Variants in CEP70 observed in about 807,000 individuals in gnomAD.
CEP70 encodes the protein centrosomal protein of 70 kDa.
A neutral mutation model predicts 90.9 loss-of-function variants in CEP70; 70 were observed. The observed-to-expected ratio is 0.77, with a 90% CI of 0.64 to 0.94. CEP70 has a LOEUF of 0.94. Ranked by LOEUF, CEP70 falls within the 40% of genes least tolerant of loss-of-function variation. The pLI, the probability that CEP70 is intolerant of heterozygous loss-of-function variation, is 0.00. For synonymous variants in CEP70, 220 were observed against 228.3 expected, an observed-to-expected ratio of 0.96 and a Z score of 0.33; for missense variants, 648 against 669.0, an observed-to-expected ratio of 0.97 and a Z score of 0.35.
rs1415997129 is a variant in CEP70 at position 138,529,241 on chromosome 3, A to G, written c.827T>C (p.Leu276Pro). 6.2e-7 allele frequency: 1 copy of G among 1,609,996 alleles called. No homozygotes were observed. ...LKESKSKIDA[L>P]SSEKLNLQKD... ...TTGGAGGTTCAGCTTTTCACTTGAA[A>G]GTGCATCAATCTTAGATTTTGATTC... is the stretch of plus-strand genomic sequence containing the variant. Residue 276 changes from leucine to proline, a missense_variant, in exon 10 of 18, where the codon CTT becomes CCT. Leu to Pro is a moderately conservative substitution (Grantham distance 98). Transcript: ENST00000264982.
In CEP70 at chr3:138,500,554, G is replaced by A. The variant is rs1214693592; in HGVS notation, c.1382C>T (p.Pro461Leu). The change falls in exon 15 of 18, where the codon CCA becomes CTA. Residue 461 changes from proline to leucine, a missense_variant. Coordinates refer to ENST00000264982, the MANE Select transcript of CEP70 (RefSeq NM_024491.4). ...AATAGCTTGCAAAGTTTGAAAGTGT[G>A]GCATATTGCTGTCCTGTCCAAAAAA... Reference protein sequence around the residue: ...VENKEKDSNMPHFQTLQAIVS... With the variant: ...VENKEKDSNMLHFQTLQAIVS... The A allele has an allele frequency of 3.7e-6, 6 of 1,605,034 alleles. No individual in the cohort carries two copies. The highest frequency in any genetic ancestry group is 4.2e-6 in the Non-Finnish European group (5 of 1,177,674).
intron 2 of CEP70, among the ~76,000 whole-genome samples, chr3:138,589,325 G>C (rs1024566310): frequency 1.3e-5 from 2 of 152,006 alleles, no homozygotes; most frequent in Non-Finnish European, 2.9e-5. Flanking sequence ...CCAACACAGT[G>C]ATATATTCTA....
intron 11 of CEP70, among the ~76,000 whole-genome samples, chr3:138,514,642 A>T (rs1286591307): frequency 6.6e-6 from 1 of 152,010 alleles, no homozygotes; most frequent in Non-Finnish European, 1.5e-5. Flanking sequence ...TTAATTTTAA[A>T]TTTTTTAAGT....
chr3:138,539,562 T>C (rs1265647602), intron 6 of CEP70, among the ~76,000 whole-genome samples: 4 of 152,082 alleles, frequency 2.6e-5, no homozygotes, highest in Non-Finnish European at 5.9e-5. Flanking sequence ...AGGCTTTTAA[T>C]AGCAGACTGG....
chr3:138,499,783 T>TACACACACACACACAC lies in CEP70; in HGVS notation c.1652+311_1652+326dup, dbSNP rs56826450. The TACACACACACACACAC allele has an allele frequency of 3.1e-3, 592 of 193,182 alleles. 4 individuals carry two copies. Among genetic ancestry groups the TACACACACACACACAC allele is most frequent in the African/African-American group, 0.013 (559 of 41,478 alleles). The allele number at this position is 193,182 out of a possible 1,614,324, so 12.0% of individuals were successfully genotyped here. Reference sequence around the variant, plus strand: ...GCAACCTTGTCTCTATCTCTCTCTCTACACACACACACACACACACACAAA... The same window carrying TACACACACACACACAC: ...GCAACCTTGTCTCTATCTCTCTCTCTACACACACACACACACACACACACACACACACACACACAAA... On this transcript the variant is annotated intron_variant, in intron 16 of 17. Coordinates refer to ENST00000264982, the MANE Select transcript of CEP70 (RefSeq NM_024491.4).
intron 11 of CEP70, among the ~76,000 whole-genome samples, chr3:138,511,643 A>C (rs1011395567): frequency 6.6e-6 from 1 of 152,232 alleles, no homozygotes; most frequent in Admixed American, 6.5e-5. Context: ...GATTTCATTA[A>C]CCAGATGAAT....
chr3:138,545,967 TTTTGCCCTTTGCCTTGTGATCTTTGC>T (rs773079642), intron 6 of CEP70, among the ~76,000 whole-genome samples: 9 of 152,158 alleles, frequency 5.9e-5, no homozygotes, highest in African/African-American at 1.2e-4. Context: ...GTAATACTAA[TTTTGCCCTTTGCCTTGTGATCTTTGC>T]TTTGCCCTTT....
intron 11 of CEP70, among the ~76,000 whole-genome samples, chr3:138,521,525 T>C (rs1226869320): frequency 6.7e-6 from 1 of 150,364 alleles, no homozygotes; most frequent in Non-Finnish European, 1.5e-5. Flanking sequence ...GGGGAGCACC[T>C]ATGCCCGGCC....
chr3:138,578,466 C>A (rs901928953), intron 2 of CEP70, among the ~76,000 whole-genome samples: 1 of 152,086 alleles, frequency 6.6e-6, no homozygotes, highest in Non-Finnish European at 1.5e-5. Flanking sequence ...AGAAGAAAAA[C>A]AGAAGATGCT....
At chr3:138,510,951 C>T (rs539233104) in intron 11 of CEP70, among the ~76,000 whole-genome samples, 9 of 151,544 alleles carry the variant, frequency 5.9e-5, no homozygotes, top group Non-Finnish European at 1.2e-4. Flanking sequence ...ACCTCTGCCT[C>T]CCGGGTTCAA....
At chr3:138,524,360 C>T (rs985968210) in intron 11 of CEP70, among the ~76,000 whole-genome samples, 1 of 151,962 alleles carries the variant, frequency 6.6e-6, no homozygotes, top group African/African-American at 2.4e-5. Flanking sequence ...GCAACAAAAG[C>T]TAAAATTGAC....
chr3:138,512,804 A>G (rs1358718365), intron 11 of CEP70, among the ~76,000 whole-genome samples: 1 of 152,230 alleles, frequency 6.6e-6, no homozygotes, highest in African/African-American at 2.4e-5. Flanking sequence ...ACAGTGGAAT[A>G]AGATCCATGC....
intron 13 of CEP70, among the ~76,000 whole-genome samples, chr3:138,503,135 C>A (rs2034665645): frequency 6.6e-6 from 1 of 152,172 alleles, no homozygotes; most frequent in African/African-American, 2.4e-5. Flanking sequence ...CTCCATAATT[C>A]TTTTCATCTT....
intron 17 of CEP70, chr3:138,497,527 A>G: frequency 1.0e-6 from 1 of 968,772 alleles, no homozygotes; most frequent in Non-Finnish European, 1.2e-6. Context: ...AGGAGACACT[A>G]CTACTAATGA....
At chr3:138,557,365 A>G (rs1311857492) in intron 6 of CEP70, among the ~76,000 whole-genome samples, 2 of 152,196 alleles carry the variant, frequency 1.3e-5, no homozygotes, top group Non-Finnish European at 2.9e-5. Context: ...GAGGCGACAT[A>G]CATCCTCCTC....
chr3:138,526,836 C>T lies in CEP70; in HGVS notation c.870-1272G>A, dbSNP rs193263813. ...AAGAGTAAATTTCAAATGTTTTCAA[C>T]CACAAAAGGTATTAGATGATGGATA... is the stretch of plus-strand genomic sequence containing the variant. On this transcript the variant is annotated intron_variant, in intron 10 of 17. Coordinates refer to ENST00000264982, the MANE Select transcript of CEP70 (RefSeq NM_024491.4). Among the ~76,000 whole-genome samples, 255 of 152,194 alleles carry T rather than the reference C, an allele frequency of 1.7e-3. 1 individual carries two copies. The highest frequency in any genetic ancestry group is 2.6e-3 in the Non-Finnish European group (179 of 68,008).
intron 6 of CEP70, among the ~76,000 whole-genome samples, chr3:138,564,713 T>C (rs1560422224): frequency 1.3e-5 from 2 of 152,146 alleles, no homozygotes; most frequent in Non-Finnish European, 2.9e-5. Flanking sequence ...TAATAAGAGC[T>C]AATTATGACA....
intron 6 of CEP70, among the ~76,000 whole-genome samples, chr3:138,566,018 T>C (rs2040759650): frequency 6.6e-6 from 1 of 152,068 alleles, no homozygotes; most frequent in East Asian, 1.9e-4. Flanking sequence ...GGGTGAAGGA[T>C]ATGAACAGAC....
chr3:138,561,171 G>A lies in CEP70; in HGVS notation c.465+9147C>T, dbSNP rs116056155. Among the ~76,000 whole-genome samples, 1,412 of 152,190 alleles carry A rather than the reference G, an allele frequency of 9.3e-3. 10 individuals are homozygous for A. The highest frequency in any genetic ancestry group is 0.02 in the Middle Eastern group (6 of 294). On this transcript the variant is annotated intron_variant, in intron 6 of 17. Coordinates refer to ENST00000264982, the MANE Select transcript of CEP70 (RefSeq NM_024491.4). ...GCTGGCATCTGGCAGGTGCTCCTCTGGGATGAATCTTCCAGAGGAAGGAAC... is the reference window on the plus strand; with the variant it reads ...GCTGGCATCTGGCAGGTGCTCCTCTAGGATGAATCTTCCAGAGGAAGGAAC...
Sources: allele counts gnomAD v4.1 joint callset (sites outside exome capture counted in the v4.1 genomes callset), GRCh38; gene constraint gnomAD v4.1.1; transcripts MANE v1.5; gene names NCBI Gene and HGNC (gene_info 2026-07-23, HGNC 2026-07-21).